The following ST7 variants were observed in gnomAD, a reference collection of about 807,000 sequenced individuals.
ST7 encodes suppressor of tumorigenicity 7 protein.
A neutral mutation model predicts 78.7 loss-of-function variants in ST7; 28 were observed. The observed-to-expected ratio is 0.36, with a 90% CI of 0.26 to 0.49. The LOEUF is 0.49. ST7 is among the 20% of genes least tolerant of loss of function. The pLI is 0.99. For missense variants in ST7, 418 were observed against 696.0 expected (o/e 0.60, Z 4.49); for synonymous variants, 247 against 249.6 (o/e 0.99, Z 0.10).
chr7:117,074,160 G>A (rs1044707546), intron 1 of ST7, among the ~76,000 whole-genome samples: 1 of 152,176 alleles, frequency 6.6e-6, no homozygotes, highest in African/African-American at 2.4e-5. Context: ...GGAGGCCAAG[G>A]CGGGTGGATC....
At chr7:117,177,049 A>C (rs1171025827) in intron 10 of ST7, among the ~76,000 whole-genome samples, 1 of 152,214 alleles carries the variant, frequency 6.6e-6, no homozygotes, top group Non-Finnish European at 1.5e-5. Flanking sequence ...GAAGAAAATA[A>C]TTATCAGCAC....
chr7:117,017,431 A>G (rs529617581), intron 1 of ST7, among the ~76,000 whole-genome samples: 4 of 152,292 alleles, frequency 2.6e-5, no homozygotes, highest in African/African-American at 9.6e-5. Context: ...TTCTTTGTCA[A>G]TAGCATTCTC....
At chr7:117,005,188 TG>T (rs1249737644) in intron 1 of ST7, among the ~76,000 whole-genome samples, 6 of 152,172 alleles carry the variant, frequency 3.9e-5, no homozygotes, top group African/African-American at 1.2e-4. Flanking sequence ...TTTACAGAAG[TG>T]GAATGTATTT....
rs1023353342 is a variant in ST7, at chr7:117,206,988, T to C, written c.1255-2799T>C. On this transcript the variant is annotated intron_variant, in intron 12 of 15. Transcript: ENST00000323984. ...TGGAGGAAATGAATTTTTAATTTTG[T>C]TTGGTTTTAACTAATTAAAATATAA... Among the ~76,000 whole-genome samples the C allele has an allele frequency of 2.6e-5, 4 of 152,328 alleles. No individual in the cohort carries two copies. The South Asian group carries it at 8.3e-4, about 32-fold the overall frequency.
intron 13 of ST7, among the ~76,000 whole-genome samples, chr7:117,210,233 G>A (rs886688138): frequency 6.6e-6 from 1 of 152,202 alleles, no homozygotes; most frequent in Non-Finnish European, 1.5e-5. Context: ...TGGAAACTTG[G>A]ACAGCCCCAC....
chr7:116,996,249 T>G (rs990374725), intron 1 of ST7, among the ~76,000 whole-genome samples: 1 of 152,028 alleles, frequency 6.6e-6, no homozygotes, highest in Non-Finnish European at 1.5e-5. Context: ...ACCCGGCTAA[T>G]TTTTTGTATT....
rs1192799231 is a variant in ST7, at chr7:116,966,236, CTTTTTTCTTTCTTTT to C, written c.151+12552_151+12566del. 3 of 192,868 alleles carry C rather than the reference CTTTTTTCTTTCTTTT, an allele frequency of 1.6e-5. No homozygotes were observed. In the South Asian group the frequency reaches 2.2e-4, roughly 14 times the overall value. The allele number at this position is 192,868 out of a possible 1,614,324, so 11.9% of individuals were successfully genotyped here. On this transcript the variant is annotated intron_variant, in intron 1 of 15. Coordinates refer to ENST00000323984, the MANE Select transcript of ST7 (RefSeq NM_001369598.1). ...TTTCCGTAATATATGTTGCTTTTTT[CTTTTTTCTTTCTTTT>C]TTTTTTTTTTTTTTTTAAGATAGGA...
At chr7:116,963,322 T>A (rs972074379) in intron 1 of ST7, among the ~76,000 whole-genome samples, 2 of 152,214 alleles carry the variant, frequency 1.3e-5, no homozygotes, top group African/African-American at 4.8e-5. Flanking sequence ...GTAATGAAAC[T>A]CATTTTTCTT....
At chr7:117,048,613 T>C (rs1165970533) in intron 1 of ST7, among the ~76,000 whole-genome samples, 1 of 152,184 alleles carries the variant, frequency 6.6e-6, no homozygotes, top group Admixed American at 6.5e-5. Context: ...CACCTGCTCC[T>C]TTTTGCCATA....
intron 15 of ST7, among the ~76,000 whole-genome samples, chr7:117,226,281 G>A (rs1041213624): frequency 2.6e-5 from 4 of 152,142 alleles, no homozygotes; most frequent in South Asian, 4.1e-4. Context: ...TTGAAATGTC[G>A]TTCTCTTTTT....
At chr7:117,020,468 T>G (rs1478293759) in intron 1 of ST7, 5 of 949,314 alleles carry the variant, frequency 5.3e-6, no homozygotes, top group Non-Finnish European at 7.6e-6. Flanking sequence ...CAGCTTGGAC[T>G]GCATTGTCTG....
intron 1 of ST7, among the ~76,000 whole-genome samples, chr7:117,052,562 C>G (rs1158296952): frequency 6.6e-6 from 1 of 152,218 alleles, no homozygotes; most frequent in East Asian, 1.9e-4. Flanking sequence ...CAATCACTTA[C>G]AATCCCAGTG....
intron 2 of ST7, among the ~76,000 whole-genome samples, chr7:117,105,827 A>T (rs1801908166): frequency 6.6e-6 from 1 of 152,230 alleles, no homozygotes; most frequent in Non-Finnish European, 1.5e-5. Flanking sequence ...GTACCCTGAA[A>T]ATATGTACAG....
chr7:117,129,469 A>G (rs1804155610), intron 3 of ST7, among the ~76,000 whole-genome samples: 1 of 151,906 alleles, frequency 6.6e-6, no homozygotes, highest in Admixed American at 6.6e-5. Flanking sequence ...TTTATCTATA[A>G]GGTTTTAGAA....
At chr7:117,168,509 G>GA (rs1023546953) in intron 9 of ST7, among the ~76,000 whole-genome samples, 13 of 150,386 alleles carry the variant, frequency 8.6e-5, no homozygotes, top group East Asian at 1.9e-4. Context: ...ATTAGAAAGA[G>GA]AAAAAAAAAT....
At chr7:117,037,864 T>G (rs1796978142) in intron 1 of ST7, among the ~76,000 whole-genome samples, 1 of 152,184 alleles carries the variant, frequency 6.6e-6, no homozygotes, top group Non-Finnish European at 1.5e-5. Context: ...AAATCTGCGG[T>G]GAAATAATTG....
chr7:117,189,492 C>A (rs1809579586), intron 11 of ST7, 99 bp downstream of exon 11: 12 of 853,456 alleles, frequency 1.4e-5, no homozygotes, highest in Non-Finnish European at 1.9e-5. Flanking sequence ...GGCTATGAGA[C>A]CCCTGCTTAT....
chr7:117,149,740 T>A (rs2117146125), intron 9 of ST7, among the ~76,000 whole-genome samples: 1 of 152,178 alleles, frequency 6.6e-6, no homozygotes, highest in East Asian at 1.9e-4. Flanking sequence ...TTTTCTTTTT[T>A]TAATTGGAGG....
chr7:117,067,131 T>A (rs1798680694), intron 1 of ST7, among the ~76,000 whole-genome samples: 2 of 152,172 alleles, frequency 1.3e-5, no homozygotes, highest in South Asian at 4.2e-4. Context: ...GTTTTATTTA[T>A]CCCTTCTTCA....
Sources: allele counts gnomAD v4.1 joint callset (sites outside exome capture counted in the v4.1 genomes callset), GRCh38; gene constraint gnomAD v4.1.1; transcripts MANE v1.5; gene names NCBI Gene and HGNC (gene_info 2026-07-23, HGNC 2026-07-21).